The following ARB2A variants were observed in gnomAD, a reference collection of about 807,000 sequenced individuals.
The protein encoded by ARB2A is ARB2 cotranscriptional regulator A, also known as cotranscriptional regulator ARB2A.
the ARB2A span, among the ~76,000 whole-genome samples, chr5:93,786,622 G>C: frequency 1.1e-4 from 16 of 152,166 alleles, no homozygotes; most frequent in African/African-American, 3.4e-4. Context: ...GTGAATAAGT[G>C]AATATGTTAA....
At chr5:93,815,516 T>C in the ARB2A span, among the ~76,000 whole-genome samples, 1 of 152,326 alleles carries the variant, frequency 6.6e-6, no homozygotes, top group Admixed American at 6.5e-5. Context: ...ACTTATTCCA[T>C]TCTAATCTAA....
the ARB2A span, chr5:93,776,102 G>T: frequency 7.6e-7 from 1 of 1,307,756 alleles, no homozygotes; most frequent in South Asian, 1.4e-5. Flanking sequence ...CATTTCATTA[G>T]CATATTTTTC....
the ARB2A span, among the ~76,000 whole-genome samples, chr5:93,722,706 G>GTTAA: frequency 6.6e-6 from 1 of 151,838 alleles, no homozygotes; most frequent in African/African-American, 2.4e-5. Context: ...GAAGAAAGGG[G>GTTAA]TTAACTACAC....
the ARB2A span, among the ~76,000 whole-genome samples, chr5:94,022,303 G>A: frequency 4.6e-5 from 7 of 152,168 alleles, no homozygotes; most frequent in African/African-American, 1.7e-4. Context: ...TTCATAAAGT[G>A]TATGGACACA....
At chr5:93,942,744 A>G in the ARB2A span, among the ~76,000 whole-genome samples, 2 of 151,986 alleles carry the variant, frequency 1.3e-5, no homozygotes, top group African/African-American at 4.8e-5. Context: ...AAACAAAAAT[A>G]AAGAGAAAAA....
chr5:93,631,811 GA>G, the ARB2A span, among the ~76,000 whole-genome samples: 3 of 146,848 alleles, frequency 2.0e-5, no homozygotes, highest in Non-Finnish European at 3.0e-5. Flanking sequence ...GAGAGGGGGA[GA>G]GGGGAGGGGG....
At chr5:94,082,740 A>G in the ARB2A span, among the ~76,000 whole-genome samples, 1 of 152,120 alleles carries the variant, frequency 6.6e-6, no homozygotes, top group Non-Finnish European at 1.5e-5. Flanking sequence ...TTCTTTATGA[A>G]GTGATAATAC....
the ARB2A span, among the ~76,000 whole-genome samples, chr5:94,082,460 G>T: frequency 6.6e-6 from 1 of 152,120 alleles, no homozygotes; most frequent in African/African-American, 2.4e-5. Context: ...ATATAATCAA[G>T]CAGCTGATTA....
chr5:93,878,369 T>C, the ARB2A span, among the ~76,000 whole-genome samples: 2 of 152,042 alleles, frequency 1.3e-5, no homozygotes, highest in African/African-American at 4.8e-5. Flanking sequence ...ACTAAGTACA[T>C]GCCCTCATGA....
chr5:93,997,391 T>C, the ARB2A span, among the ~76,000 whole-genome samples: 2 of 152,078 alleles, frequency 1.3e-5, no homozygotes, highest in Non-Finnish European at 2.9e-5. Context: ...AGATGAATAT[T>C]GAATACTTCT....
chr5:93,977,499 T>A, the ARB2A span, among the ~76,000 whole-genome samples: 1 of 151,792 alleles, frequency 6.6e-6, no homozygotes, highest in South Asian at 2.1e-4. Context: ...ACAAAGTCAG[T>A]AAAAATAAAC....
At chr5:93,895,748 C>T in the ARB2A span, among the ~76,000 whole-genome samples, 1 of 151,938 alleles carries the variant, frequency 6.6e-6, no homozygotes, top group East Asian at 1.9e-4. Context: ...AAAGTGTAGG[C>T]AATTACATTT....
the ARB2A span, among the ~76,000 whole-genome samples, chr5:93,915,890 A>G: frequency 6.6e-6 from 1 of 152,052 alleles, no homozygotes; most frequent in African/African-American, 2.4e-5. Flanking sequence ...TAGGAAAGCT[A>G]GTGTGATGAG....
chr5:93,915,260 A>G, the ARB2A span, among the ~76,000 whole-genome samples: 1 of 151,780 alleles, frequency 6.6e-6, no homozygotes, highest in Admixed American at 6.6e-5. Flanking sequence ...TGGCTTGTTT[A>G]CCTTTATGAG....
chr5:93,735,833 A>C, the ARB2A span: 1 of 152,144 alleles, frequency 6.6e-6, no homozygotes, highest in Non-Finnish European at 1.5e-5. Flanking sequence ...TGTGTGGAGG[A>C]AATGGTCTCA....
At chr5:93,773,442 T>G in the ARB2A span, among the ~76,000 whole-genome samples, 1 of 152,212 alleles carries the variant, frequency 6.6e-6, no homozygotes, top group Non-Finnish European at 1.5e-5. Context: ...AAGTAGTTTC[T>G]GTAACTAAAG....
At chr5:93,835,199 T>C in the ARB2A span, among the ~76,000 whole-genome samples, 2 of 152,320 alleles carry the variant, frequency 1.3e-5, no homozygotes, top group South Asian at 4.1e-4. Context: ...CCTTATCAAC[T>C]ATGCCAGATT....
the ARB2A span, among the ~76,000 whole-genome samples, chr5:94,085,762 G>A: frequency 1.3e-5 from 2 of 152,270 alleles, no homozygotes; most frequent in African/African-American, 2.4e-5. Context: ...CAAATATACT[G>A]TAGTACATTA....
the ARB2A span, among the ~76,000 whole-genome samples, chr5:94,067,902 C>A: frequency 1.2e-3 from 177 of 152,274 alleles, no homozygotes; most frequent in African/African-American, 4.2e-3. Context: ...AGAGATCATG[C>A]TAACCTGACT....
Sources: gnomAD v4.1 joint callset for allele counts (sites outside exome capture counted in the v4.1 genomes callset) on GRCh38, gnomAD v4.1.1 for gene constraint, MANE v1.5 for transcripts, NCBI Gene and HGNC (gene_info 2026-07-23, HGNC 2026-07-21) for gene names.